The following CCSER2 variants were observed in gnomAD, a reference collection of about 807,000 sequenced individuals.
CCSER2 encodes the protein serine-rich coiled-coil domain-containing protein 2.
In CCSER2, 46 loss-of-function variants were observed where a neutral mutation model predicts 92.3. The observed-to-expected ratio is 0.50, with a 90% CI of 0.39 to 0.64. The LOEUF (loss-of-function observed/expected upper bound fraction) is 0.64, where lower values mean the gene tolerates loss of function less well. Among genes scored for constraint, CCSER2 ranks in the 30% least tolerant of loss-of-function variants. The pLI is 0.00. For missense variants in CCSER2, 1,244 were observed against 1,238.9 expected (o/e 1.00, Z -0.06); for synonymous variants, 433 against 431.4 (o/e 1.00, Z -0.04).
At chr10:84,495,463 A>G (rs1564724050) in intron 9 of CCSER2, among the ~76,000 whole-genome samples, 1 of 152,176 alleles carries the variant, frequency 6.6e-6, no homozygotes, top group Non-Finnish European at 1.5e-5. Flanking sequence ...GTAAGCATTG[A>G]CTAGGTGCTG....
rs141521025 is a variant in CCSER2, at chr10:84,518,370, G to A, written c.*4103G>A. The A allele has an allele frequency of 3.0e-3, 464 of 152,738 alleles. 4 individuals carry two copies. Among genetic ancestry groups the A allele is most frequent in the African/African-American group, 0.011 (443 of 41,564 alleles). 9.5% of individuals were successfully genotyped at this position (152,738 alleles called of 1,614,324 possible). A position where few individuals can be genotyped will look rare whatever the true frequency, so the allele number is the denominator to read the frequency against. ...ACAAAGAGCAAAAATAATATCTGCA[G>A]TATTGTTTTTCCCATTGATTTTAAG... On this transcript the variant is annotated 3_prime_UTR_variant, in exon 10 of 10. Coordinates refer to ENST00000372088, the MANE Select transcript of CCSER2 (RefSeq NM_001284240.2).
intron 5 of CCSER2, among the ~76,000 whole-genome samples, chr10:84,436,325 CAAAA>C (rs1160681619): frequency 1.3e-3 from 19 of 14,338 alleles, no homozygotes; most frequent in African/African-American, 6.4e-3. Flanking sequence ...GACTCCGTCT[CAAAA>C]AAAAAAAAAA....
chr10:84,468,230 C>T (rs1357493749), intron 7 of CCSER2, among the ~76,000 whole-genome samples: 2 of 152,178 alleles, frequency 1.3e-5, no homozygotes, highest in African/African-American at 4.8e-5. Context: ...GCCTACCACA[C>T]TCCTCTATCT....
intron 7 of CCSER2, among the ~76,000 whole-genome samples, chr10:84,469,769 C>T (rs1257635055): frequency 9.9e-5 from 15 of 152,006 alleles, no homozygotes; most frequent in Admixed American, 3.9e-4. Context: ...CTTATAGATC[C>T]AATTGAGAAG....
At chr10:84,373,986 C>T in intron 3 of CCSER2, 171 bp downstream of exon 3, 1 of 1,357,880 alleles carries the variant, frequency 7.4e-7, no homozygotes. Context: ...TGAAATAAAG[C>T]ATGGAGAATA....
At chr10:84,334,158 C>T (rs1413048990) in intron 1 of CCSER2, among the ~76,000 whole-genome samples, 1 of 152,128 alleles carries the variant, frequency 6.6e-6, no homozygotes, top group Non-Finnish European at 1.5e-5. Flanking sequence ...AGAATGCTGC[C>T]ACCTCAGGCT....
chr10:84,507,365 C>T (rs1401346348), intron 9 of CCSER2: 1 of 971,264 alleles, frequency 1.0e-6, no homozygotes. Context: ...TTTCCTACCA[C>T]CTTCCTCATA....
At chr10:84,380,517 A>T (rs891386375) in intron 3 of CCSER2, among the ~76,000 whole-genome samples, 1 of 143,546 alleles carries the variant, frequency 7.0e-6, no homozygotes, top group African/African-American at 2.5e-5. Flanking sequence ...TCACATGCTC[A>T]TATATGGCGT....
At chr10:84,487,135 T>G (rs1370038865) in intron 9 of CCSER2, among the ~76,000 whole-genome samples, 2 of 152,232 alleles carry the variant, frequency 1.3e-5, no homozygotes, top group Non-Finnish European at 2.9e-5. Flanking sequence ...CATGCTGTTT[T>G]GGTTACTGTA....
At chr10:84,453,198 G>T (rs1466522369) in intron 6 of CCSER2, among the ~76,000 whole-genome samples, 1 of 151,660 alleles carries the variant, frequency 6.6e-6, no homozygotes, top group Non-Finnish European at 1.5e-5. Context: ...GGTATATGGG[G>T]CTTTCACTTA....
Position 84,463,942 on chromosome 10 carries a change from A to C in CCSER2, c.2074A>C (p.Ser692Arg), listed in dbSNP as rs1846245953. ...LKRLLHQHDG[S>R]GSLHDIQLSL... Reference sequence around the variant, plus strand: ...CCCTTCTTTCTGACAGCATGATGGAAGTGGTTCATTGCATGATATTCAACT... The same window carrying C: ...CCCTTCTTTCTGACAGCATGATGGACGTGGTTCATTGCATGATATTCAACT... The change falls in exon 7 of 10, where the codon AGT (serine) becomes CGT (arginine). Residue 692 changes from serine (S) to arginine (R), a missense_variant. Physicochemically the swap from Ser to Arg is moderately radical, Grantham distance 110. Coordinates refer to ENST00000372088, the MANE Select transcript of CCSER2 (RefSeq NM_001284240.2). 1 of 1,605,948 alleles carries C rather than the reference A, an allele frequency of 6.2e-7. No individual in the cohort carries two copies. The highest frequency in any genetic ancestry group is 1.3e-5 in the African/African-American group (1 of 74,880).
In CCSER2 at chr10:84,500,005, A is replaced by G. The variant is rs762439799; in HGVS notation, c.2326-13444A>G. The stretch of plus-strand genomic sequence containing the variant: ...CCTATCCTGCTCTGGCTTCCCCTTC[A>G]TGGTATTTCCCTTCTGCATGACCTG... On this transcript the variant is annotated intron_variant, in intron 9 of 9. Coordinates refer to ENST00000372088, the MANE Select transcript of CCSER2 (RefSeq NM_001284240.2). 5.0e-6 allele frequency: 8 copies of G among 1,613,028 alleles called. No individual in the cohort carries two copies. The Admixed American group carries it at 6.7e-5, about 13-fold the overall frequency.
chr10:84,447,970 C>T (rs1845032254), intron 6 of CCSER2, among the ~76,000 whole-genome samples: 2 of 152,024 alleles, frequency 1.3e-5, no homozygotes, highest in African/African-American at 2.4e-5. Context: ...TTTTTGTTAT[C>T]CTGCTAAGAT....
intron 6 of CCSER2, among the ~76,000 whole-genome samples, chr10:84,438,912 T>C (rs1045379575): frequency 6.6e-5 from 10 of 152,196 alleles, no homozygotes; most frequent in African/African-American, 2.4e-4. Flanking sequence ...CAGTCCCTGG[T>C]ATTTATGAGT....
intron 3 of CCSER2, among the ~76,000 whole-genome samples, chr10:84,387,514 C>T (rs946606454): frequency 1.3e-5 from 2 of 151,986 alleles, no homozygotes; most frequent in African/African-American, 4.8e-5. Flanking sequence ...ATCTTCATAC[C>T]TGCACTGAAG....
intron 4 of CCSER2, among the ~76,000 whole-genome samples, chr10:84,418,160 C>T (rs111898497): frequency 2.0e-5 from 3 of 152,196 alleles, no homozygotes; most frequent in African/African-American, 7.2e-5. Flanking sequence ...CCCTTTATCT[C>T]ATTTTGATTT....
intron 5 of CCSER2, among the ~76,000 whole-genome samples, chr10:84,426,670 C>CA (rs1234411554): frequency 6.6e-6 from 1 of 152,040 alleles, no homozygotes; most frequent in Non-Finnish European, 1.5e-5. Context: ...TTTTGGAGTG[C>CA]ATTTACAATA....
chr10:84,422,784 G>A (rs1282139540), intron 4 of CCSER2, among the ~76,000 whole-genome samples: 4 of 152,150 alleles, frequency 2.6e-5, no homozygotes, highest in African/African-American at 9.7e-5. Context: ...GTCAGGGGCG[G>A]TGGCTCACGC....
At chr10:84,375,595 T>C (rs1846289728) in intron 3 of CCSER2, among the ~76,000 whole-genome samples, 1 of 151,040 alleles carries the variant, frequency 6.6e-6, no homozygotes, top group Non-Finnish European at 1.5e-5. Flanking sequence ...CTTCTCTATC[T>C]CTAACTATGC....
Sources: gnomAD v4.1 joint callset for allele counts (sites outside exome capture counted in the v4.1 genomes callset) on GRCh38, gnomAD v4.1.1 for gene constraint, MANE v1.5 for transcripts, NCBI Gene and HGNC (gene_info 2026-07-23, HGNC 2026-07-21) for gene names.